The following CNTNAP2 variants were observed in gnomAD, a reference collection of about 807,000 sequenced individuals.
CNTNAP2 encodes contactin-associated protein-like 2.
Under a neutral mutation model 155.2 loss-of-function variants are expected in CNTNAP2, and 98 were observed. That is an observed-to-expected ratio of 0.63 (90% CI 0.54 to 0.75). CNTNAP2 has a LOEUF of 0.75. Ranked by LOEUF, CNTNAP2 falls within the 30% of genes least tolerant of loss-of-function variation. The probability of loss-of-function intolerance (pLI) is 0.00; values close to 1 mark genes in which losing one functional copy is unlikely to be tolerated. For missense variants in CNTNAP2, 1,727 were observed against 1,688.1 expected, an observed-to-expected ratio of 1.02 and a Z score of -0.40; for synonymous variants, 651 against 631.2, an observed-to-expected ratio of 1.03 and a Z score of -0.47.
intron 21 of CNTNAP2, among the ~76,000 whole-genome samples, chr7:148,271,932 T>G (rs1796788085): frequency 6.6e-6 from 1 of 152,140 alleles, no homozygotes; most frequent in African/African-American, 2.4e-5. Flanking sequence ...AAGTTGTTGC[T>G]TTACTTTTAT....
intron 21 of CNTNAP2, among the ~76,000 whole-genome samples, chr7:148,370,578 C>G (rs1637860): frequency 0.33 from 49,788 of 151,846 alleles, 8,612 homozygotes; most frequent in Non-Finnish European, 0.39. Context: ...CTCTTCCGCA[C>G]AGTGCCACAC....
intron 1 of CNTNAP2, among the ~76,000 whole-genome samples, chr7:146,163,784 A>T (rs976820333): frequency 6.6e-6 from 1 of 151,894 alleles, no homozygotes; most frequent in Non-Finnish European, 1.5e-5. Flanking sequence ...TGTAAGGAAG[A>T]GGGCAGACAA....
At chr7:148,028,100 C>A (rs550720545) in intron 15 of CNTNAP2, among the ~76,000 whole-genome samples, 13 of 152,194 alleles carry the variant, frequency 8.5e-5, no homozygotes, top group African/African-American at 3.1e-4. Context: ...AAATGAGTGC[C>A]CACCTGAACT....
chr7:146,688,714 G>A (rs1384820050), intron 1 of CNTNAP2, among the ~76,000 whole-genome samples: 8 of 152,088 alleles, frequency 5.3e-5, no homozygotes, highest in South Asian at 2.1e-4. Context: ...GGATGTATAC[G>A]TGCAGGTCAC....
At chr7:147,931,099 C>A (rs1369070499) in intron 14 of CNTNAP2, among the ~76,000 whole-genome samples, 1 of 151,248 alleles carries the variant, frequency 6.6e-6, no homozygotes, top group African/African-American at 2.4e-5. Context: ...AAGAAGAACG[C>A]AAATCAACAA....
intron 1 of CNTNAP2, among the ~76,000 whole-genome samples, chr7:146,174,230 A>G (rs917632472): frequency 1.3e-5 from 2 of 151,912 alleles, no homozygotes; most frequent in Admixed American, 6.6e-5. Context: ...AAAAAAAGAA[A>G]AAAAACCCAA....
intron 21 of CNTNAP2, among the ~76,000 whole-genome samples, chr7:148,299,982 A>C (rs1481433311): frequency 6.6e-6 from 1 of 152,184 alleles, no homozygotes; most frequent in Non-Finnish European, 1.5e-5. Context: ...CTGTCCACTA[A>C]AGTTAATGCT....
intron 8 of CNTNAP2, among the ~76,000 whole-genome samples, chr7:147,170,013 G>C (rs1288192188): frequency 1.3e-5 from 2 of 151,864 alleles, no homozygotes; most frequent in African/African-American, 4.8e-5. Flanking sequence ...GGGTAAGGAG[G>C]CACTCTGGCT....
chr7:146,391,823 A>G (rs1239913673), intron 1 of CNTNAP2, among the ~76,000 whole-genome samples: 1 of 152,118 alleles, frequency 6.6e-6, no homozygotes, highest in Non-Finnish European at 1.5e-5. Flanking sequence ...AACAACACAC[A>G]CTGGGACTTT....
intron 10 of CNTNAP2, among the ~76,000 whole-genome samples, chr7:147,414,567 T>C (rs1300554888): frequency 3.3e-5 from 5 of 152,154 alleles, no homozygotes; most frequent in Non-Finnish European, 7.3e-5. Context: ...GCTCTTTCAT[T>C]GCAAGGAACT....
intron 21 of CNTNAP2, among the ~76,000 whole-genome samples, chr7:148,282,091 G>A (rs981459266): frequency 2.0e-5 from 3 of 152,002 alleles, no homozygotes; most frequent in Admixed American, 2.0e-4. Flanking sequence ...CTAAAGTTCT[G>A]GGATTACAGT....
chr7:146,456,775 AT>A (rs1055174069), intron 1 of CNTNAP2, among the ~76,000 whole-genome samples: 24 of 151,268 alleles, frequency 1.6e-4, no homozygotes, highest in African/African-American at 5.2e-4. Flanking sequence ...CACTAAAAAA[AT>A]AAATATGTCT....
intron 11 of CNTNAP2, among the ~76,000 whole-genome samples, chr7:147,557,960 T>A (rs568280085): frequency 1.3e-5 from 2 of 152,330 alleles, no homozygotes; most frequent in South Asian, 4.1e-4. Flanking sequence ...CTAAAATTTC[T>A]TAATTCTTTA....
chr7:147,818,508 C>T lies in CNTNAP2; in HGVS notation c.2099-85057C>T, dbSNP rs190371200. 1.5e-3 allele frequency among the ~76,000 whole-genome samples: 223 copies of T among 152,274 alleles called. 3 individuals are homozygous for T. Among genetic ancestry groups the T allele is most frequent in the African/African-American group, 5.2e-3 (217 of 41,570 alleles). On this transcript the variant is annotated intron_variant, in intron 13 of 23. Transcript: ENST00000361727. ...TGCCAAGTGATGGATGCCCCGTGCA[C>T]TCACGATTGCTAGATCTCCCATGGG...
At chr7:147,459,959 A>G (rs1797990496) in intron 10 of CNTNAP2, among the ~76,000 whole-genome samples, 1 of 152,132 alleles carries the variant, frequency 6.6e-6, no homozygotes, top group African/African-American at 2.4e-5. Flanking sequence ...ACATGGACAC[A>G]GGGAGGGGAA....
chr7:146,848,081 A>T (rs751571147), intron 3 of CNTNAP2, among the ~76,000 whole-genome samples: 3 of 152,186 alleles, frequency 2.0e-5, no homozygotes, highest in Non-Finnish European at 2.9e-5. Flanking sequence ...CCATGAAAGG[A>T]CAAATCAGCT....
intron 3 of CNTNAP2, among the ~76,000 whole-genome samples, chr7:146,959,688 C>G (rs1797514860): frequency 6.8e-6 from 1 of 146,630 alleles, no homozygotes; most frequent in Non-Finnish European, 1.5e-5. Flanking sequence ...CCACTGCACT[C>G]CAGCCTGGGC....
intron 14 of CNTNAP2, among the ~76,000 whole-genome samples, chr7:147,916,258 T>C (rs1800159118): frequency 6.6e-6 from 1 of 152,154 alleles, no homozygotes; most frequent in Non-Finnish European, 1.5e-5. Context: ...TGATGTATTA[T>C]ATACTGTCTC....
chr7:147,470,065 T>G (rs2373138), intron 10 of CNTNAP2, among the ~76,000 whole-genome samples: 118,527 of 152,016 alleles, frequency 0.78, 46,571 homozygotes, highest in African/African-American at 0.87. Flanking sequence ...GTGGAGTGCA[T>G]GTAATTTAGG....
Sources: gnomAD v4.1 joint callset for allele counts (sites outside exome capture counted in the v4.1 genomes callset) on GRCh38, gnomAD v4.1.1 for gene constraint, MANE v1.5 for transcripts, NCBI Gene and HGNC (gene_info 2026-07-23, HGNC 2026-07-21) for gene names.